PDXDC1: variants seen among roughly 807,000 people sequenced by gnomAD.
PDXDC1 encodes pyridoxal dependent decarboxylase domain containing 1.
A neutral mutation model predicts 100.1 loss-of-function variants in PDXDC1; 42 were observed. The ratio of observed to expected loss-of-function variants is 0.42; its 90% CI spans 0.33 to 0.54. PDXDC1 has a LOEUF of 0.54. PDXDC1 is among the 20% of genes least tolerant of loss of function. The pLI is 0.10. For synonymous variants in PDXDC1, 260 were observed against 371.7 expected (o/e 0.70, Z 3.46); for missense variants, 636 against 979.2 (o/e 0.65, Z 4.68).
At chr16:15,029,799 T>C (rs1436670829) in intron 15 of PDXDC1, 152 bp from the exon 16 acceptor site, 2 of 633,424 alleles carry the variant, frequency 3.2e-6, no homozygotes, top group African/African-American at 1.8e-5. Flanking sequence ...TTTACTGTTT[T>C]TAAAAAGCTG....
At chr16:15,097,468 C>CAAAAAAAAAAAA (rs71152407) in intron 16 of PDXDC1, among the ~76,000 whole-genome samples, 13 of 65,732 alleles carry the variant, frequency 2.0e-4, no homozygotes, top group East Asian at 4.8e-4. Flanking sequence ...ACTAAAAATA[C>CAAAAAAAAAAAA]AAAAAAAAAA....
intron 16 of PDXDC1, among the ~76,000 whole-genome samples, chr16:15,122,852 G>GGGAAGGGGAGA (rs2047499121): frequency 8.0e-6 from 1 of 125,666 alleles, no homozygotes; most frequent in Non-Finnish European, 1.7e-5. Flanking sequence ...GGAAGGGGAG[G>GGGAAGGGGAGA]GGAAGGGGGG....
At chr16:15,094,423 T>C in intron 16 of PDXDC1, 1 of 618,462 alleles carries the variant, frequency 1.6e-6, no homozygotes, top group Non-Finnish European at 2.9e-6. Context: ...TTGGAGGACT[T>C]GTTCCAGCCA....
the PDXDC1 span, among the ~76,000 whole-genome samples, chr16:15,147,748 G>C: frequency 6.6e-6 from 1 of 152,088 alleles, no homozygotes; most frequent in Non-Finnish European, 1.5e-5. Flanking sequence ...GAGTGCAGTG[G>C]TGTGATATTG....
intron 11 of PDXDC1, among the ~76,000 whole-genome samples, chr16:15,017,784 G>A (rs1238015548): frequency 6.6e-6 from 1 of 152,240 alleles, no homozygotes; most frequent in Non-Finnish European, 1.5e-5. Context: ...TTGCCCAATA[G>A]GTTTTAACTT....
intron 16 of PDXDC1, among the ~76,000 whole-genome samples, chr16:15,098,645 A>G (rs1414178324): frequency 1.3e-5 from 2 of 151,766 alleles, no homozygotes; most frequent in South Asian, 2.1e-4. Context: ...TTTGGAGGCC[A>G]AGGTGGGTGG....
At chr16:15,061,265 T>C (rs2044700046) in intron 16 of PDXDC1, 1 of 153,554 alleles carries the variant, frequency 6.5e-6, no homozygotes, top group Non-Finnish European at 1.4e-5. Flanking sequence ...GTGAACAATG[T>C]AGCCAAAATA....
At chr16:15,092,590 C>A in intron 16 of PDXDC1, 2 of 1,611,868 alleles carry the variant, frequency 1.2e-6, no homozygotes, top group Non-Finnish European at 1.7e-6. Context: ...AAAAGTCATT[C>A]TCTAATGCAC....
At chr16:15,150,312 G>C in the PDXDC1 span, among the ~76,000 whole-genome samples, 1 of 151,724 alleles carries the variant, frequency 6.6e-6, no homozygotes, top group African/African-American at 2.4e-5. Context: ...CTGCACTCCA[G>C]CCTGGGCAAC....
At chr16:15,012,875 T>G (rs1381888494) in intron 8 of PDXDC1, among the ~76,000 whole-genome samples, 6 of 151,384 alleles carry the variant, frequency 4.0e-5, no homozygotes, top group Non-Finnish European at 7.4e-5. Flanking sequence ...AAAAATTCTT[T>G]AAAATATAAT....
At chr16:15,056,672 G>C (rs552468237) in intron 16 of PDXDC1, among the ~76,000 whole-genome samples, 22 of 152,164 alleles carry the variant, frequency 1.4e-4, no homozygotes, top group African/African-American at 5.3e-4. Flanking sequence ...ATGCACCTGT[G>C]ATCCCAGCCA....
intron 16 of PDXDC1, among the ~76,000 whole-genome samples, chr16:15,111,756 C>CAAAAAAAA (rs1202549941): frequency 1.7e-5 from 1 of 58,616 alleles, no homozygotes; most frequent in African/African-American, 7.1e-5. Context: ...GACTCCGTCT[C>CAAAAAAAA]AAAAAAAAAA....
chr16:15,074,180 G>C (rs1420826828), intron 16 of PDXDC1, among the ~76,000 whole-genome samples: 1 of 152,100 alleles, frequency 6.6e-6, no homozygotes, highest in Non-Finnish European at 1.5e-5. Context: ...CAGCAAGACC[G>C]TTAAAACAGT....
downstream of PDXDC1, chr16:15,041,547 TGG>T (rs2043816668): frequency 2.1e-6 from 2 of 966,778 alleles, no homozygotes; most frequent in South Asian, 2.6e-5. Flanking sequence ...TGCCGGTGCT[TGG>T]GCCCACTGCA....
At chr16:15,015,897 G>A (rs1426510026) in intron 8 of PDXDC1, 1 of 1,092,236 alleles carries the variant, frequency 9.2e-7, no homozygotes, top group Non-Finnish European at 1.3e-6. Context: ...GTATATAAAA[G>A]AATTCAATGA....
rs756879331 is a variant in PDXDC1 at position 15,033,192 on chromosome 16, G to T, written c.1691-86G>T. 3.9e-4 allele frequency: 569 copies of T among 1,469,716 alleles called. 1 individual carries two copies. The highest frequency in any genetic ancestry group is 5.1e-4 in the Non-Finnish European group (539 of 1,053,766). 91.0% of individuals were successfully genotyped at this position (1,469,716 alleles called of 1,614,324 possible). ...CATGGAGGAGACCCCTTTGTGTGTGGTCAGGACCCTGAACAGGAGAGTAGG... is the reference window on the plus strand; with the variant it reads ...CATGGAGGAGACCCCTTTGTGTGTGTTCAGGACCCTGAACAGGAGAGTAGG... On this transcript the variant is annotated intron_variant, in intron 18 of 22. Coordinates refer to ENST00000396410, the MANE Select transcript of PDXDC1 (RefSeq NM_015027.4).
intron 16 of PDXDC1, chr16:15,129,929 C>G (rs1440992212): frequency 5.4e-6 from 7 of 1,285,710 alleles, no homozygotes; most frequent in Non-Finnish European, 7.8e-6. Flanking sequence ...GTACTTGAAG[C>G]GGCCCCGCTG....
chr16:15,077,413 T>G lies in PDXDC1; in HGVS notation c.1399+47357T>G, dbSNP rs971483150. ...GTGATAGTGAATAAGTCTCAAGAGA[T>G]CTGATGGTTTTATCAGGGGTTTCCA... On this transcript the variant is annotated intron_variant, in intron 16 of 16. Transcript: ENST00000535621. Among the ~76,000 whole-genome samples the G allele has an allele frequency of 1.6e-3, 246 of 152,218 alleles. 1 individual carries two copies. The highest frequency in any genetic ancestry group is 6.6e-4 in the Non-Finnish European group (45 of 67,984).
chr16:15,082,205 G>A (rs1194989516), intron 16 of PDXDC1, among the ~76,000 whole-genome samples: 1 of 152,162 alleles, frequency 6.6e-6, no homozygotes, highest in Non-Finnish European at 1.5e-5. Flanking sequence ...TGAATATGAT[G>A]TTAGCTGTGG....
Sources: gnomAD v4.1 joint callset for allele counts (sites outside exome capture counted in the v4.1 genomes callset) on GRCh38, gnomAD v4.1.1 for gene constraint, MANE v1.5 for transcripts, NCBI Gene and HGNC (gene_info 2026-07-23, HGNC 2026-07-21) for gene names.